LRRTM4: variants seen among roughly 807,000 people sequenced by gnomAD.
LRRTM4 encodes leucine-rich repeat transmembrane neuronal protein 4.
A neutral mutation model predicts 47.6 loss-of-function variants in LRRTM4; 25 were observed. The observed-to-expected ratio is 0.53, with a 90% CI of 0.38 to 0.73. LRRTM4 has a LOEUF of 0.73. Among genes scored for constraint, LRRTM4 ranks in the 30% least tolerant of loss-of-function variants. The probability of loss-of-function intolerance (pLI) is 0.00; values close to 1 mark genes in which losing one functional copy is unlikely to be tolerated. For synonymous variants in LRRTM4, 311 were observed against 269.5 expected (o/e 1.15, Z -1.51); for missense variants, 638 against 713.4 (o/e 0.89, Z 1.20).
intron 3 of LRRTM4, among the ~76,000 whole-genome samples, chr2:77,271,856 G>T (rs1169937066): frequency 6.6e-6 from 1 of 152,078 alleles, no homozygotes; most frequent in African/African-American, 2.4e-5. Flanking sequence ...ACGAAAATAT[G>T]CCTCCACCCA....
At chr2:76,909,888 A>G (rs953899405) in intron 3 of LRRTM4, among the ~76,000 whole-genome samples, 1 of 152,210 alleles carries the variant, frequency 6.6e-6, no homozygotes, top group Non-Finnish European at 1.5e-5. Flanking sequence ...ACACTTTCAC[A>G]TTGTTGGTGG....
chr2:77,207,100 G>A (rs1273553437), intron 3 of LRRTM4, among the ~76,000 whole-genome samples: 1 of 146,500 alleles, frequency 6.8e-6, no homozygotes, highest in Non-Finnish European at 1.5e-5. Flanking sequence ...TCTTTTGTTT[G>A]TAACCAACTG....
chr2:77,015,765 C>G (rs1167147544), intron 3 of LRRTM4, among the ~76,000 whole-genome samples: 2 of 152,106 alleles, frequency 1.3e-5, no homozygotes, highest in Non-Finnish European at 2.9e-5. Flanking sequence ...GTCAGAGAAA[C>G]AGAAATACTG....
At chr2:77,483,062 A>G (rs900464220) in intron 3 of LRRTM4, among the ~76,000 whole-genome samples, 11 of 132,374 alleles carry the variant, frequency 8.3e-5, no homozygotes, top group Non-Finnish European at 1.6e-4. Flanking sequence ...CAGAGGTTGC[A>G]GCGAGCCGAG....
At chr2:77,313,718 G>A (rs554704106) in intron 3 of LRRTM4, among the ~76,000 whole-genome samples, 3 of 151,966 alleles carry the variant, frequency 2.0e-5, no homozygotes, top group Non-Finnish European at 4.4e-5. Context: ...CTCCTCCTAC[G>A]TACAATTGAT....
intron 3 of LRRTM4, among the ~76,000 whole-genome samples, chr2:77,468,689 G>A (rs574704899): frequency 1.1e-3 from 172 of 152,220 alleles, no homozygotes; most frequent in African/African-American, 3.8e-3. Flanking sequence ...CAAACATTCT[G>A]ATTGATTGGA....
intron 3 of LRRTM4, among the ~76,000 whole-genome samples, chr2:76,849,980 G>A (rs935136951): frequency 1.4e-4 from 21 of 152,072 alleles, no homozygotes; most frequent in African/African-American, 4.6e-4. Context: ...TAGGGCATAG[G>A]TACTGATGGT....
At chr2:77,151,334 C>A (rs569500085) in intron 3 of LRRTM4, among the ~76,000 whole-genome samples, 1 of 152,258 alleles carries the variant, frequency 6.6e-6, no homozygotes, top group East Asian at 1.9e-4. Context: ...CCCCCACAAT[C>A]TCAATCCCCT....
intron 3 of LRRTM4, among the ~76,000 whole-genome samples, chr2:77,306,499 G>A (rs965174911): frequency 3.3e-5 from 5 of 152,166 alleles, no homozygotes; most frequent in African/African-American, 9.7e-5. Flanking sequence ...ATCCCAAAAT[G>A]TTATGCAAAT....
chr2:76,982,012 C>T (rs1369469941), intron 3 of LRRTM4, among the ~76,000 whole-genome samples: 1 of 152,048 alleles, frequency 6.6e-6, no homozygotes, highest in Non-Finnish European at 1.5e-5. Flanking sequence ...GGGCTTATAA[C>T]AACTTAAAAG....
intron 3 of LRRTM4, among the ~76,000 whole-genome samples, chr2:77,086,476 ATTT>A (rs762359320): frequency 3.9e-4 from 51 of 131,152 alleles, no homozygotes; most frequent in Non-Finnish European, 4.6e-4. Context: ...ACATATAATA[ATTT>A]TTTTTTTTTT....
intron 3 of LRRTM4, among the ~76,000 whole-genome samples, chr2:77,131,649 G>A (rs1671806123): frequency 6.6e-6 from 1 of 152,092 alleles, no homozygotes; most frequent in Non-Finnish European, 1.5e-5. Context: ...AGGCTACTCT[G>A]GGGCTTTACA....
At chr2:77,167,900 T>A (rs928072115) in intron 3 of LRRTM4, among the ~76,000 whole-genome samples, 47 of 152,078 alleles carry the variant, frequency 3.1e-4, no homozygotes, top group Non-Finnish European at 5.9e-5. Flanking sequence ...TGTATACATA[T>A]GTAATATACC....
chr2:76,952,539 A>G (rs1675531131), intron 3 of LRRTM4, among the ~76,000 whole-genome samples: 2 of 152,000 alleles, frequency 1.3e-5, no homozygotes, highest in African/African-American at 4.8e-5. Context: ...TCAAAAAAGC[A>G]GAAATAATGG....
intron 3 of LRRTM4, among the ~76,000 whole-genome samples, chr2:77,442,782 C>T (rs1675896576): frequency 1.3e-5 from 2 of 152,086 alleles, no homozygotes; most frequent in South Asian, 4.1e-4. Context: ...GTAGAGAAGA[C>T]CAACACTGTA....
intron 3 of LRRTM4, among the ~76,000 whole-genome samples, chr2:77,510,390 T>A (rs1678938947): frequency 6.6e-6 from 1 of 152,120 alleles, no homozygotes; most frequent in African/African-American, 2.4e-5. Context: ...ACCCAAAGAC[T>A]GTTTCTGTTT....
chr2:77,258,626 A>G (rs909200839), intron 3 of LRRTM4, among the ~76,000 whole-genome samples: 2 of 152,102 alleles, frequency 1.3e-5, no homozygotes, highest in African/African-American at 4.8e-5. Context: ...CAATAAAACA[A>G]ACATGGCACT....
intron 3 of LRRTM4, among the ~76,000 whole-genome samples, chr2:77,410,806 A>C (rs1377759240): frequency 6.6e-6 from 1 of 152,182 alleles, no homozygotes; most frequent in African/African-American, 2.4e-5. Context: ...CAGTCTCTGG[A>C]GGATAGCCTG....
At chr2:77,145,288 G>C (rs1254863163) in intron 3 of LRRTM4, among the ~76,000 whole-genome samples, 1 of 150,920 alleles carries the variant, frequency 6.6e-6, no homozygotes, top group Non-Finnish European at 1.5e-5. Flanking sequence ...AGATGAAATA[G>C]TAAAAGTATA....
Sources: gnomAD v4.1 joint callset for allele counts (sites outside exome capture counted in the v4.1 genomes callset) on GRCh38, gnomAD v4.1.1 for gene constraint, MANE v1.5 for transcripts, NCBI Gene and HGNC (gene_info 2026-07-23, HGNC 2026-07-21) for gene names.